The following HOMER1 variants were observed in gnomAD, a reference collection of about 807,000 sequenced individuals.
The protein encoded by HOMER1 is homer scaffold protein 1.
Under a neutral mutation model 48.9 loss-of-function variants are expected in HOMER1, and 3 were observed. The ratio of observed to expected loss-of-function variants is 0.06; its 90% CI spans 0.03 to 0.16. The LOEUF is 0.16. Among genes scored for constraint, HOMER1 ranks in the 10% least tolerant of loss-of-function variants. HOMER1 has a pLI of 1.00. For missense variants in HOMER1, 247 were observed against 411.4 expected, an observed-to-expected ratio of 0.60 and a Z score of 3.46; for synonymous variants, 134 against 146.4, an observed-to-expected ratio of 0.92 and a Z score of 0.61.
intron 1 of HOMER1, among the ~76,000 whole-genome samples, chr5:79,466,693 T>C (rs1751473848): frequency 6.6e-6 from 1 of 152,116 alleles, no homozygotes; most frequent in Admixed American, 6.5e-5. Flanking sequence ...AATTTAATTA[T>C]TGTTAATATA....
At chr5:79,379,823 T>C (rs1748919325) in intron 8 of HOMER1, among the ~76,000 whole-genome samples, 1 of 152,048 alleles carries the variant, frequency 6.6e-6, no homozygotes, top group African/African-American at 2.4e-5. Context: ...TTTCCTTTAC[T>C]AATGTAAGGC....
At chr5:79,402,154 G>T in intron 5 of HOMER1, 99 bp from the exon 6 acceptor site, 2 of 952,252 alleles carry the variant, frequency 2.1e-6, no homozygotes, top group Non-Finnish European at 3.0e-6. Context: ...TATAGTCTAA[G>T]AATGTTTTCT....
chr5:79,463,395 T>C (rs1244214958), intron 1 of HOMER1, among the ~76,000 whole-genome samples: 3 of 152,194 alleles, frequency 2.0e-5, no homozygotes, highest in Admixed American at 2.0e-4. Context: ...CATCAGGACC[T>C]AAAGAAACCC....
Position 79,458,906 on chromosome 5 carries a change from C to T in HOMER1, c.6-1888G>A, listed in dbSNP as rs561275566. Among the ~76,000 whole-genome samples the T allele has an allele frequency of 2.6e-5, 4 of 152,296 alleles. No individual in the cohort carries two copies. The South Asian group carries it at 8.3e-4, about 32-fold the overall frequency. ...CTTTCAGTGAGGCTGGTGCTATAAG[C>T]TTGGGTTATCTTCCAAAACCCCTGC... On this transcript the variant is annotated intron_variant, in intron 1 of 8. Coordinates refer to ENST00000334082, the MANE Select transcript of HOMER1 (RefSeq NM_004272.5).
chr5:79,388,215 A>C (rs573920949), intron 8 of HOMER1, among the ~76,000 whole-genome samples: 3 of 152,308 alleles, frequency 2.0e-5, no homozygotes, highest in African/African-American at 7.2e-5. Context: ...AGACAGTTCC[A>C]AAAAGCAGAA....
At chr5:79,500,806 G>A (rs945530546) in intron 1 of HOMER1, among the ~76,000 whole-genome samples, 1 of 151,756 alleles carries the variant, frequency 6.6e-6, no homozygotes, top group African/African-American at 2.4e-5. Flanking sequence ...TGCACTTTTA[G>A]TAGAGATGGG....
At chr5:79,420,700 G>A (rs1457793532) in intron 5 of HOMER1, among the ~76,000 whole-genome samples, 1 of 152,108 alleles carries the variant, frequency 6.6e-6, no homozygotes, top group Non-Finnish European at 1.5e-5. Flanking sequence ...AGTAATCATG[G>A]AGAGAGCTTG....
In HOMER1 at chr5:79,380,262, C is replaced by T. The variant is rs372251651; in HGVS notation, c.877-4065G>A. On this transcript the variant is annotated intron_variant, in intron 8 of 8. Coordinates refer to ENST00000334082, the MANE Select transcript of HOMER1 (RefSeq NM_004272.5). ...ACACTGCTGGGAGACTGTGTGACAG[C>T]ACTGCTCTTGGGAGAGCACTAGCGC... Among the ~76,000 whole-genome samples the T allele has an allele frequency of 7.9e-5, 12 of 152,276 alleles. No homozygotes were observed. The South Asian group carries it at 2.5e-3, about 32-fold the overall frequency.
intron 5 of HOMER1, among the ~76,000 whole-genome samples, chr5:79,420,111 GCAAT>G (rs1293310779): frequency 1.3e-5 from 2 of 152,154 alleles, no homozygotes; most frequent in African/African-American, 4.8e-5. Flanking sequence ...CTGAACTTAA[GCAAT>G]CAATGTATTA....
At chr5:79,473,156 G>A (rs1253795546) in intron 1 of HOMER1, among the ~76,000 whole-genome samples, 1 of 152,180 alleles carries the variant, frequency 6.6e-6, no homozygotes, top group Admixed American at 6.5e-5. Flanking sequence ...AACTAAACAA[G>A]TACAGATAAA....
chr5:79,395,479 G>T lies in HOMER1; in HGVS notation c.876+1344C>A, dbSNP rs557902640. On this transcript the variant is annotated intron_variant, in intron 8 of 8. Transcript: ENST00000334082. ...TAAATGTCCCCTGGGCTTCAAAAGT[G>T]CCCCAAGTTGATGACCACTAATCTA... Among the ~76,000 whole-genome samples, 6 of 152,198 alleles carry T rather than the reference G, an allele frequency of 3.9e-5. No homozygotes were observed. In the South Asian group the frequency reaches 1.2e-3, roughly 32 times the overall value.
chr5:79,469,976 T>C (rs1162164089), intron 1 of HOMER1, among the ~76,000 whole-genome samples: 1 of 152,336 alleles, frequency 6.6e-6, no homozygotes, highest in South Asian at 2.1e-4. Context: ...CATGGCATCA[T>C]AGAAACCCAA....
At chr5:79,472,761 A>G (rs1751658520) in intron 1 of HOMER1, among the ~76,000 whole-genome samples, 1 of 152,056 alleles carries the variant, frequency 6.6e-6, no homozygotes, top group Non-Finnish European at 1.5e-5. Flanking sequence ...CCTGGGCAAC[A>G]GAGTGAGACC....
chr5:79,435,458 G>T (rs575312633), intron 5 of HOMER1, among the ~76,000 whole-genome samples: 1 of 152,176 alleles, frequency 6.6e-6, no homozygotes, highest in South Asian at 2.1e-4. Flanking sequence ...GCAGTAAAAT[G>T]GAATCAACTA....
intron 5 of HOMER1, among the ~76,000 whole-genome samples, chr5:79,418,270 T>G (rs188648501): frequency 2.7e-4 from 41 of 152,332 alleles, no homozygotes; most frequent in Admixed American, 8.5e-4. Flanking sequence ...CCAGAATCAA[T>G]AATAGCTTAG....
rs1436372779 is a variant in HOMER1 at position 79,496,121 on chromosome 5, G to A, written c.5+16649C>T. 4.1e-4 allele frequency among the ~76,000 whole-genome samples: 62 copies of A among 152,188 alleles called. 1 individual carries two copies. The highest frequency in any genetic ancestry group is 3.9e-3 in the Admixed American group (60 of 15,274). ...CAAAACCAAGGAAACTATAATAAAA[G>A]TGCCTGCAAAGAGGGAACTAAGTGA... On this transcript the variant is annotated intron_variant, in intron 1 of 8. Transcript: ENST00000334082.
chr5:79,401,116 A>G (rs1050443910), intron 6 of HOMER1, among the ~76,000 whole-genome samples: 1 of 151,890 alleles, frequency 6.6e-6, no homozygotes, highest in Non-Finnish European at 1.5e-5. Context: ...ACCAAAGTTA[A>G]TAATTTTCTA....
chr5:79,493,394 C>T (rs895681353), intron 1 of HOMER1, among the ~76,000 whole-genome samples: 1 of 152,202 alleles, frequency 6.6e-6, no homozygotes, highest in Non-Finnish European at 1.5e-5. Flanking sequence ...ACCTTTATAT[C>T]CCTACACTTA....
At chr5:79,393,126 T>C (rs1332345341) in intron 8 of HOMER1, among the ~76,000 whole-genome samples, 1 of 152,134 alleles carries the variant, frequency 6.6e-6, no homozygotes, top group Non-Finnish European at 1.5e-5. Context: ...AATAAAAAGT[T>C]TAACTAAAGA....
Sources: gnomAD v4.1 joint callset for allele counts (sites outside exome capture counted in the v4.1 genomes callset) on GRCh38, gnomAD v4.1.1 for gene constraint, MANE v1.5 for transcripts, NCBI Gene and HGNC (gene_info 2026-07-23, HGNC 2026-07-21) for gene names.